Variants in PPRC1 observed in about 807,000 individuals in gnomAD.
PPRC1 encodes the protein PPARG related coactivator 1.
PPRC1 carries 23 observed loss-of-function variants against 132.5 expected under a neutral mutation model. The ratio of observed to expected loss-of-function variants is 0.17; its 90% CI spans 0.12 to 0.25. The LOEUF is 0.25. PPRC1 is among the 10% of genes least tolerant of loss of function. The pLI is 1.00. For missense variants in PPRC1, 2,006 were observed against 2,089.1 expected (o/e 0.96, Z 0.78); for synonymous variants, 872 against 833.5 (o/e 1.05, Z -0.80).
chr10:102,147,450 G>C, intron 9 of PPRC1, 58 bp downstream of exon 9: 11 of 1,515,376 alleles, frequency 7.3e-6, no homozygotes, highest in Non-Finnish European at 9.7e-6. Context: ...TACTTCTGTG[G>C]TTTACTTTGA....
Position 102,141,542 on chromosome 10 carries a change from C to G in PPRC1, c.3034C>G (p.Pro1012Ala). 1 of 1,614,036 alleles carries G rather than the reference C, an allele frequency of 6.2e-7. No individual in the cohort carries two copies. Among genetic ancestry groups the G allele is most frequent in the Admixed American group, 1.7e-5 (1 of 60,030 alleles). The stretch of plus-strand genomic sequence containing the variant: ...TCCAGCCTCCATTGGGAGAGCTGTT[C>G]CCCAACCTAAAATGGAGTCTAGGGG... ...LPPASIGRAV[P>A]QPKMESRGTP... Residue 1012 changes from proline (P) to alanine (A), a missense_variant, in exon 5 of 14, where the codon CCC becomes GCC. Physicochemically the swap from Pro to Ala is conservative, Grantham distance 27 (BLOSUM62 -1). This residue lies in a region of PPRC1 where 1,914 missense variants were observed against 1,917.2 expected (regional missense o/e 1.00). Coordinates refer to ENST00000278070, the MANE Select transcript of PPRC1 (RefSeq NM_015062.5).
At chr10:102,133,028 G>A, upstream of PPRC1, 1 of 1,238,292 alleles carries the variant, frequency 8.1e-7, no homozygotes, top group Non-Finnish European at 1.0e-6. Flanking sequence ...GGGCGAGGCG[G>A]CGCCAGCGAT....
At chr10:102,133,723 C>T (rs2133582845) in intron 1 of PPRC1, among the ~76,000 whole-genome samples, 1 of 151,838 alleles carries the variant, frequency 6.6e-6, no homozygotes, top group Non-Finnish European at 1.5e-5. Context: ...CCACGTGGCT[C>T]CCGTCCCAGG....
At chr10:102,123,833 CTTTTTTTTTTTTTT>C in the PPRC1 span, among the ~76,000 whole-genome samples, 1 of 68,294 alleles carries the variant, frequency 1.5e-5, no homozygotes, top group Non-Finnish European at 2.8e-5. Context: ...CACGCCCGGC[CTTTTTTTTTTTTTT>C]TTTTTTTTTT....
At position 102,133,103 on chromosome 10, in the gene PPRC1, C is replaced by A; in HGVS notation, c.35C>A (p.Ala12Glu). The change falls in exon 1 of 14, where the codon GCG becomes GAG. Residue 12 changes from alanine (A) to glutamate (E), a missense_variant. This residue lies in a region of PPRC1 where 1,914 missense variants were observed against 1,917.2 expected (regional missense o/e 1.00). Transcript: ENST00000278070. Reference sequence around the variant, plus strand: ...CGCCGGGGACGGAGAGACGGAGTCGCGCCGCCCCCGAGTGGGGGCCCCGGT... The same window carrying A: ...CGCCGGGGACGGAGAGACGGAGTCGAGCCGCCCCCGAGTGGGGGCCCCGGT... ...AARRGRRDGV[A>E]PPPSGGPGPD... 1 of 1,244,354 alleles carries A rather than the reference C, an allele frequency of 8.0e-7. No individual in the cohort carries two copies. Among genetic ancestry groups the A allele is most frequent in the Non-Finnish European group, 1.0e-6 (1 of 988,306 alleles). The allele number at this position is 1,244,354 out of a possible 1,614,324, so 77.1% of individuals were successfully genotyped here.
intron 2 of PPRC1, 26 bp from the exon 3 acceptor site, chr10:102,138,593 A>G: frequency 1.2e-6 from 2 of 1,611,966 alleles, no homozygotes; most frequent in Non-Finnish European, 1.7e-6. Flanking sequence ...TGTTGGTAGG[A>G]CCTTCTGGTT....
chr10:102,131,150 G>C (rs952734916), upstream of PPRC1, among the ~76,000 whole-genome samples: 1 of 147,972 alleles, frequency 6.8e-6, no homozygotes, highest in Non-Finnish European at 1.5e-5. Flanking sequence ...AGCCAAGATC[G>C]CGCCACTGCA....
At chr10:102,131,963 A>G (rs1190685737), upstream of PPRC1, among the ~76,000 whole-genome samples, 2 of 152,222 alleles carry the variant, frequency 1.3e-5, no homozygotes, top group Non-Finnish European at 2.9e-5. Context: ...ACGGCCAGAA[A>G]CAACTTCAAT....
upstream of PPRC1, among the ~76,000 whole-genome samples, chr10:102,129,686 C>T (rs557331694): frequency 3.3e-4 from 50 of 152,238 alleles, no homozygotes; most frequent in Middle Eastern, 6.8e-3. Flanking sequence ...TCACTGCAAC[C>T]TCTGCCTCCC....
the PPRC1 span, among the ~76,000 whole-genome samples, chr10:102,127,068 T>A: frequency 0.11 from 8,207 of 72,756 alleles, 701 homozygotes; most frequent in East Asian, 0.2. Context: ...TATATATATA[T>A]AAATTAAAAA....
intron 7 of PPRC1, 49 bp from the exon 8 acceptor site, chr10:102,144,971 G>A (rs1170956906): frequency 4.4e-6 from 6 of 1,373,816 alleles, no homozygotes; most frequent in East Asian, 2.3e-5. Context: ...AAATGTATAA[G>A]ATATTGAGAA....
the PPRC1 span, among the ~76,000 whole-genome samples, chr10:102,123,609 C>A: frequency 2.6e-5 from 4 of 152,146 alleles, no homozygotes; most frequent in African/African-American, 9.7e-5. Context: ...CTCACTGCAA[C>A]CTCCACCTCT....
At chr10:102,146,332 A>C (rs751666253) in intron 8 of PPRC1, among the ~76,000 whole-genome samples, 6 of 152,178 alleles carry the variant, frequency 3.9e-5, no homozygotes. Context: ...TGATGACTGC[A>C]TGAGTGCAGG....
chr10:102,148,750 C>A lies in PPRC1; in HGVS notation c.4617+56C>A. The stretch of plus-strand genomic sequence containing the variant: ...GGGCTTACCCCCTGAGCCTTGAGCT[C>A]AGAGAGCTGCCTGCAGCTGTAGCCC... On this transcript the variant is annotated intron_variant, in intron 11 of 13. Transcript: ENST00000278070. The surrounding 1 kb of genome is among the most constrained non-coding windows in gnomAD (Gnocchi z 4.2). 2 of 1,614,116 alleles carry A rather than the reference C, an allele frequency of 1.2e-6. No individual in the cohort carries two copies. The highest frequency in any genetic ancestry group is 2.2e-5 in the South Asian group (2 of 91,070).
In PPRC1 at chr10:102,139,316, A is replaced by G. The variant is rs2068849450; in HGVS notation, c.808A>G (p.Ser270Gly). The change falls in exon 5 of 14, where the codon AGT becomes GGT. Residue 270 changes from serine (S) to glycine (G), a missense_variant. By Grantham distance (56) the Ser-to-Gly change is moderately conservative. This residue lies in a region of PPRC1 where 1,914 missense variants were observed against 1,917.2 expected (regional missense o/e 1.00). Coordinates refer to ENST00000278070, the MANE Select transcript of PPRC1 (RefSeq NM_015062.5). The stretch of plus-strand genomic sequence containing the variant: ...CGGGGAGCTTGACAACTGTGTGAGC[A>G]GTATCCCGGACTTCCCCATGCATTT... ...LAGELDNCVS[S>G]IPDFPMHLAC... 6.2e-7 allele frequency: 1 copy of G among 1,614,232 alleles called. No homozygotes were observed. The highest frequency in any genetic ancestry group is 8.5e-7 in the Non-Finnish European group (1 of 1,180,024).
At chr10:102,129,209 G>A (rs948896754), upstream of PPRC1, among the ~76,000 whole-genome samples, 1 of 152,174 alleles carries the variant, frequency 6.6e-6, no homozygotes, top group Non-Finnish European at 1.5e-5. Context: ...GGGATTACAG[G>A]TGTGCACCAC....
the PPRC1 span, among the ~76,000 whole-genome samples, chr10:102,122,924 A>G: frequency 1.3e-5 from 2 of 152,180 alleles, no homozygotes; most frequent in African/African-American, 4.8e-5. Context: ...ACCTCCATTG[A>G]ACAAGTAGGA....
chr10:102,141,849 C>T lies in PPRC1; in HGVS notation c.3341C>T (p.Pro1114Leu), dbSNP rs142334622. ...GAGACCAGGCCCAGGGAGAAGCCCCCCTTGCCTGCTACCAAGGCTGTTCCC... is the reference window on the plus strand; with the variant it reads ...GAGACCAGGCCCAGGGAGAAGCCCCTCTTGCCTGCTACCAAGGCTGTTCCC... The part of the protein sequence containing the change: ...TQETRPREKP[P>L]LPATKAVPTP... The change falls in exon 5 of 14, where the codon CCC becomes CTC. Residue 1114 changes from proline (P) to leucine (L), a missense_variant. Coordinates refer to ENST00000278070, the MANE Select transcript of PPRC1 (RefSeq NM_015062.5). 8.1e-6 allele frequency: 13 copies of T among 1,614,018 alleles called. No individual in the cohort carries two copies. In the Admixed American group the frequency reaches 1.2e-4, roughly 14 times the overall value.
Position 102,140,781 on chromosome 10 carries a change from G to A in PPRC1, c.2273G>A (p.Arg758Gln), listed in dbSNP as rs573675124. ...PRPLSLSEYR[R>Q]RRQQRQAETE... ...CCTCTCAGCTTATCTGAGTACCGGC[G>A]ACGAAGGCAGCAACGCCAAGCAGAA... The change falls in exon 5 of 14, where the codon CGA becomes CAA. Residue 758 changes from arginine to glutamine, a missense_variant. Around this residue, in one of 2 missense-constraint regions of PPRC1, gnomAD observed 1,914 missense variants for 1,917.2 expected, o/e 1.00. Coordinates refer to ENST00000278070, the MANE Select transcript of PPRC1 (RefSeq NM_015062.5). 6.7e-5 allele frequency: 108 copies of A among 1,612,284 alleles called. No individual in the cohort carries two copies. In the South Asian group the frequency reaches 1.0e-3, roughly 15 times the overall value.
Sources: gnomAD v4.1 joint callset for allele counts (sites outside exome capture counted in the v4.1 genomes callset) on GRCh38, gnomAD v4.1.1 for gene constraint, gnomAD v4.1.1 regional missense constraint, Gnocchi (gnomAD v3.1) non-coding constraint, MANE v1.5 for transcripts, NCBI Gene and HGNC (gene_info 2026-07-23, HGNC 2026-07-21) for gene names.